Variants in STARD13 observed in about 807,000 individuals in gnomAD.
STARD13 encodes the protein stAR-related lipid transfer protein 13.
Under a neutral mutation model 106.4 loss-of-function variants are expected in STARD13, and 62 were observed. The observed-to-expected ratio is 0.58, with a 90% CI of 0.48 to 0.72. The LOEUF (loss-of-function observed/expected upper bound fraction) is 0.72. Ranked by LOEUF, STARD13 falls within the 30% of genes least tolerant of loss-of-function variation. The pLI is 0.00. For synonymous variants in STARD13, 565 were observed against 553.0 expected, an observed-to-expected ratio of 1.02 and a Z score of -0.31; for missense variants, 1,387 against 1,424.0, an observed-to-expected ratio of 0.97 and a Z score of 0.42.
At chr13:33,238,176 C>T (rs1889287438) in intron 1 of STARD13, among the ~76,000 whole-genome samples, 1 of 152,172 alleles carries the variant, frequency 6.6e-6, no homozygotes, top group Non-Finnish European at 1.5e-5. Flanking sequence ...CCACATAAAG[C>T]CCTGAGAATT....
intron 7 of STARD13, 66 bp from the exon 8 acceptor site, chr13:33,118,329 T>C: frequency 7.2e-7 from 1 of 1,392,920 alleles, no homozygotes. Context: ...GGAGGAAGCA[T>C]GGGAAGGGAA....
chr13:33,311,112 A>C (rs575743247), intron 1 of STARD13, among the ~76,000 whole-genome samples: 1 of 150,914 alleles, frequency 6.6e-6, no homozygotes. Context: ...TGGGCAACAT[A>C]ATAAGACACC....
At chr13:33,524,348 G>A in the STARD13 span, 3 of 1,071,634 alleles carry the variant, frequency 2.8e-6, no homozygotes, top group South Asian at 4.5e-5. Flanking sequence ...TTTTTCTTAG[G>A]ATTACTCTCC....
At chr13:33,203,434 T>C (rs971702161) in intron 1 of STARD13, among the ~76,000 whole-genome samples, 4 of 152,248 alleles carry the variant, frequency 2.6e-5, no homozygotes, top group African/African-American at 9.6e-5. Flanking sequence ...ATATGAAGAT[T>C]AGCATATATT....
chr13:33,252,960 C>T (rs1890163965), intron 1 of STARD13, among the ~76,000 whole-genome samples: 1 of 152,090 alleles, frequency 6.6e-6, no homozygotes, highest in Non-Finnish European at 1.5e-5. Context: ...GACCTTGGGC[C>T]CATGTCACAG....
the STARD13 span, among the ~76,000 whole-genome samples, chr13:33,531,081 C>T: frequency 1.3e-5 from 2 of 152,074 alleles, no homozygotes; most frequent in East Asian, 3.9e-4. Flanking sequence ...TGTGCTATTC[C>T]TGTAATAGTG....
chr13:33,291,440 T>G (rs1002230377), intron 1 of STARD13, among the ~76,000 whole-genome samples: 2 of 152,226 alleles, frequency 1.3e-5, no homozygotes, highest in Non-Finnish European at 2.9e-5. Flanking sequence ...TACTCTAAGC[T>G]TAGAGCTCTA....
the STARD13 span, among the ~76,000 whole-genome samples, chr13:33,495,793 TATA>T: frequency 6.8e-6 from 1 of 148,056 alleles, no homozygotes; most frequent in South Asian, 2.1e-4. Context: ...AGACAAGTAT[TATA>T]ATATAATCAT....
chr13:33,255,414 C>T (rs191579476), intron 1 of STARD13, among the ~76,000 whole-genome samples: 38 of 151,926 alleles, frequency 2.5e-4, no homozygotes, highest in African/African-American at 8.4e-4. Context: ...TAAAGAGAAC[C>T]GCTCACAACT....
intron 1 of STARD13, among the ~76,000 whole-genome samples, chr13:33,202,457 CA>C (rs1887110089): frequency 6.6e-6 from 1 of 152,202 alleles, no homozygotes. Context: ...ATTCACTTGA[CA>C]AACATTACTT....
intron 1 of STARD13, among the ~76,000 whole-genome samples, chr13:33,326,447 C>T (rs1280441721): frequency 6.6e-6 from 1 of 152,186 alleles, no homozygotes; most frequent in Non-Finnish European, 1.5e-5. Flanking sequence ...ACCCTATGTA[C>T]TAAGTTCCCT....
the STARD13 span, among the ~76,000 whole-genome samples, chr13:33,376,696 G>C: frequency 6.6e-6 from 1 of 152,142 alleles, no homozygotes; most frequent in Non-Finnish European, 1.5e-5. Context: ...TTTATGGAAG[G>C]ATGAAGCTTT....
the STARD13 span, among the ~76,000 whole-genome samples, chr13:33,378,033 T>A: frequency 6.6e-6 from 1 of 152,166 alleles, no homozygotes; most frequent in African/African-American, 2.4e-5. Context: ...AATGCTGGTA[T>A]TAGTTACTAT....
the STARD13 span, among the ~76,000 whole-genome samples, chr13:33,469,166 T>C: frequency 6.6e-6 from 1 of 152,270 alleles, no homozygotes; most frequent in African/African-American, 2.4e-5. Context: ...AATAAGACTA[T>C]AAGGAAGATA....
the STARD13 span, among the ~76,000 whole-genome samples, chr13:33,364,356 G>A: frequency 6.6e-6 from 1 of 152,194 alleles, no homozygotes; most frequent in Admixed American, 6.5e-5. Context: ...AAACCAGAGT[G>A]GGAGTTTGGA....
chr13:33,369,095 A>G, the STARD13 span, among the ~76,000 whole-genome samples: 1 of 152,086 alleles, frequency 6.6e-6, no homozygotes, highest in East Asian at 1.9e-4. Flanking sequence ...TATATGTCCC[A>G]TAAAATGCAT....
intron 1 of STARD13, among the ~76,000 whole-genome samples, chr13:33,312,222 C>T (rs1021260792): frequency 2.0e-5 from 3 of 152,190 alleles, no homozygotes; most frequent in Non-Finnish European, 4.4e-5. Flanking sequence ...TAAACCCATG[C>T]ATTTATTAAA....
chr13:33,105,816 T>A, intron 13 of STARD13, 106 bp from the exon 14 acceptor site: 1 of 898,508 alleles, frequency 1.1e-6, no homozygotes, highest in Non-Finnish European at 1.9e-6. Context: ...CCAGTGAACC[T>A]GCAGACAGCT....
At chr13:33,255,109 T>G (rs370165779) in intron 1 of STARD13, among the ~76,000 whole-genome samples, 1 of 93,770 alleles carries the variant, frequency 1.1e-5, no homozygotes, top group African/African-American at 4.0e-5. Context: ...CCCCCCCCCC[T>G]CAGAGGCTTG....
Sources: gnomAD v4.1 joint callset for allele counts (sites outside exome capture counted in the v4.1 genomes callset) on GRCh38, gnomAD v4.1.1 for gene constraint, MANE v1.5 for transcripts, NCBI Gene and HGNC (gene_info 2026-07-23, HGNC 2026-07-21) for gene names.